The following SYNE1 variants were observed in gnomAD, a reference collection of about 807,000 sequenced individuals.
SYNE1 encodes the protein nesprin-1.
Under a neutral mutation model 1,111.0 loss-of-function variants are expected in SYNE1, and 616 were observed. The ratio of observed to expected loss-of-function variants is 0.55; its 90% CI spans 0.52 to 0.59. SYNE1 has a LOEUF of 0.59. Ranked by LOEUF, SYNE1 falls within the 20% of genes least tolerant of loss-of-function variation. SYNE1 has a pLI of 0.00. For synonymous variants in SYNE1, 3,855 were observed against 3,825.8 expected, an observed-to-expected ratio of 1.01 and a Z score of -0.28; for missense variants, 10,006 against 10,417.0, an observed-to-expected ratio of 0.96 and a Z score of 1.72.
intron 65 of SYNE1, 66 bp downstream of exon 65, chr6:152,359,249 T>G: frequency 2.5e-6 from 4 of 1,607,190 alleles, no homozygotes; most frequent in Non-Finnish European, 3.4e-6. Flanking sequence ...TAAATGAGTC[T>G]TTAAAGGAGC....
At chr6:152,452,307 G>T (rs1343228020) in intron 25 of SYNE1, among the ~76,000 whole-genome samples, 1 of 152,040 alleles carries the variant, frequency 6.6e-6, no homozygotes, top group Non-Finnish European at 1.5e-5. Flanking sequence ...CTAGAGGTGT[G>T]TGTGTGTGTG....
At chr6:152,193,971 C>A (rs2073362045) in intron 127 of SYNE1, among the ~76,000 whole-genome samples, 1 of 150,652 alleles carries the variant, frequency 6.6e-6, no homozygotes, top group Non-Finnish European at 1.5e-5. Context: ...CAAGATCCCG[C>A]CACTGCACTC....
rs771911476 is a variant in SYNE1 at position 152,347,239 on chromosome 6, C to A, written c.11902-4G>T. On this transcript the variant is annotated splice_region_variant and splice_polypyrimidine_tract_variant and intron_variant, in intron 72 of 145. Coordinates refer to ENST00000367255, the MANE Select transcript of SYNE1 (RefSeq NM_182961.4). ...CAGCAATTTCTTCCATCATTGCCTG[C>A]AAAAGTGAAACCAATACAGAGTTTT... The A allele has an allele frequency of 1.2e-6, 2 of 1,614,044 alleles. No homozygotes were observed. Among genetic ancestry groups the A allele is most frequent in the African/African-American group, 2.7e-5 (2 of 74,928 alleles).
intron 14 of SYNE1, among the ~76,000 whole-genome samples, chr6:152,477,265 T>A (rs766973684): frequency 6.6e-6 from 1 of 151,784 alleles, no homozygotes; most frequent in Non-Finnish European, 1.5e-5. Context: ...CTGGTAACAG[T>A]TGAGATGATG....
intron 16 of SYNE1, among the ~76,000 whole-genome samples, chr6:152,468,307 A>G (rs2154275115): frequency 6.6e-6 from 1 of 152,330 alleles, no homozygotes; most frequent in Middle Eastern, 3.4e-3. Context: ...GAATAATAAA[A>G]TGAATATTCA....
chr6:152,172,355 A>C (rs2065426257), intron 130 of SYNE1, among the ~76,000 whole-genome samples: 1 of 152,202 alleles, frequency 6.6e-6, no homozygotes, highest in Non-Finnish European at 1.5e-5. Flanking sequence ...ATCCCCAAAA[A>C]AGCTGCTATT....
intron 30 of SYNE1, 152 bp downstream of exon 30, chr6:152,444,259 A>T: frequency 1.3e-6 from 1 of 785,426 alleles, no homozygotes; most frequent in Non-Finnish European, 2.1e-6. Context: ...AGCAAAACCC[A>T]GAAGCGCCAA....
chr6:152,371,166 C>T (rs1683801315), intron 59 of SYNE1, among the ~76,000 whole-genome samples: 1 of 151,916 alleles, frequency 6.6e-6, no homozygotes. Context: ...TGGCTGTGTC[C>T]CCCCCCAAAT....
intron 128 of SYNE1, among the ~76,000 whole-genome samples, chr6:152,180,814 G>T (rs2067804598): frequency 1.3e-5 from 2 of 152,158 alleles, no homozygotes; most frequent in South Asian, 4.1e-4. Flanking sequence ...AAGCGAAGCG[G>T]CCTGAAATGG....
rs781109139 is a variant in SYNE1, at chr6:152,417,030, A to T, written c.5422-15T>A. The T allele has an allele frequency of 6.2e-7, 1 of 1,613,334 alleles. No homozygotes were observed. Among genetic ancestry groups the T allele is most frequent in the South Asian group, 1.1e-5 (1 of 91,084 alleles). On this transcript the variant is annotated splice_polypyrimidine_tract_variant and intron_variant, in intron 40 of 145. Coordinates refer to ENST00000367255, the MANE Select transcript of SYNE1 (RefSeq NM_182961.4). ...GCTGCGTGGTCCTGGAAGGGAAGAGAGAGTTATTGATTCCTGAGATACACT... is the reference window on the plus strand; with the variant it reads ...GCTGCGTGGTCCTGGAAGGGAAGAGTGAGTTATTGATTCCTGAGATACACT...
In SYNE1 at chr6:152,164,178, C is replaced by G. The variant is rs1333541906; in HGVS notation, c.23775G>C (p.Lys7925Asn). The G allele has an allele frequency of 6.2e-7, 1 of 1,614,068 alleles. No homozygotes were observed. The highest frequency in any genetic ancestry group is 8.5e-7 in the Non-Finnish European group (1 of 1,180,032). ...TAAGTCTTACCTGCTGCTCATTAAG[C>G]TTTCTCTGTATTTCTTCCGAGTTAC... is the stretch of plus-strand genomic sequence containing the variant. Reference protein sequence around the residue: ...DSCNSEEIQRKLNEQQELQRD... With the variant: ...DSCNSEEIQRNLNEQQELQRD... The change falls in exon 131 of 146, where the codon AAG (lysine) becomes AAC (asparagine). Residue 7925 changes from lysine (K) to asparagine (N), a missense_variant. By Grantham distance (94) the Lys-to-Asn change is moderately conservative. Around this residue, in one of 7 missense-constraint regions of SYNE1, gnomAD observed 2,182 missense variants for 2,287.8 expected, o/e 0.95. Coordinates refer to ENST00000367255, the MANE Select transcript of SYNE1 (RefSeq NM_182961.4).
chr6:152,358,475 C>T lies in SYNE1; in HGVS notation c.10506G>A (p.Lys3502=). 1.2e-6 allele frequency: 2 copies of T among 1,614,162 alleles called. No individual in the cohort carries two copies. ...RLHQEYQRDL[K]AFEVWLGQEQ... Reference sequence around the variant, plus strand: ...CTTGCCCCAACCAAACTTCAAATGCCTTTAGGTCTCTCTGATACTCTTGGT... The same window carrying T: ...CTTGCCCCAACCAAACTTCAAATGCTTTTAGGTCTCTCTGATACTCTTGGT... Residue 3502 remains lysine (K), a synonymous_variant, in exon 66 of 146, where the codon AAG becomes AAA. Coordinates refer to ENST00000367255, the MANE Select transcript of SYNE1 (RefSeq NM_182961.4).
Position 152,442,187 on chromosome 6 carries a change from G to T in SYNE1, c.3896C>A (p.Ala1299Glu). Reference protein sequence around the residue: ...KRDVQQQIAQAQQGEGGLPDR... With the variant: ...KRDVQQQIAQEQQGEGGLPDR... ...AGGCAGCCCCCCTTCTCCCTGCTGC[G>T]CCTGCGCGATCTGCTGCTGCACATC... Residue 1299 changes from alanine to glutamate, a missense_variant, in exon 31 of 146, where the codon GCG (alanine) becomes GAG (glutamate). Around this residue, in one of 7 missense-constraint regions of SYNE1, gnomAD observed 1,971 missense variants for 2,084.1 expected, o/e 0.95. Transcript: ENST00000367255. 1 of 1,613,626 alleles carries T rather than the reference G, an allele frequency of 6.2e-7. No homozygotes were observed.
rs756320126 is a variant in SYNE1, at chr6:152,381,308, G to GCGACT, written c.8702_8706dup (p.Leu2903SerfsTer7). 1 of 1,614,148 alleles carries GCGACT rather than the reference G, an allele frequency of 6.2e-7. No individual in the cohort carries two copies. The highest frequency in any genetic ancestry group is 8.5e-7 in the Non-Finnish European group (1 of 1,180,052). ...GTGTTCTGTTTCACTTCGGGAGCCAGCGACTCCACTCTGCTGAGACGGCTT... is the reference window on the plus strand; with the variant it reads ...GTGTTCTGTTTCACTTCGGGAGCCAGCGACTCGACTCCACTCTGCTGAGACGGCTT... On this transcript the variant is annotated frameshift_variant, in exon 56 of 146. Transcript: ENST00000367255. LOFTEE classifies it high-confidence loss of function.
chr6:152,337,383 G>A (rs964330755), intron 75 of SYNE1, among the ~76,000 whole-genome samples: 19 of 151,968 alleles, frequency 1.3e-4, no homozygotes, highest in African/African-American at 4.1e-4. Context: ...TCTGCCTCCC[G>A]GGTTCAAGTG....
Position 152,458,612 on chromosome 6 carries a change from A to C in SYNE1, c.2568+145T>G. 5.0e-6 allele frequency: 4 copies of C among 795,964 alleles called. No individual in the cohort carries two copies. In the East Asian group the frequency reaches 1.1e-4, roughly 21 times the overall value. The allele number at this position is 795,964 out of a possible 1,614,324, so 49.3% of individuals were successfully genotyped here. ...AGTGAATGGATTTTCATCTTTGGAC[A>C]AGACATGTATTTTTGTTTTGAGTTA... On this transcript the variant is annotated intron_variant, in intron 22 of 145. Transcript: ENST00000367255.
In SYNE1 at chr6:152,294,093, C is replaced by G. The variant is rs756503163; in HGVS notation, c.17717G>C (p.Arg5906Thr). 2.5e-6 allele frequency: 4 copies of G among 1,613,824 alleles called. No individual in the cohort carries two copies. The highest frequency in any genetic ancestry group is 3.4e-6 in the Non-Finnish European group (4 of 1,179,996). Residue 5906 changes from arginine (R) to threonine (T), a missense_variant, in exon 94 of 146, where the codon AGG (arginine) becomes ACG (threonine). This residue lies in a region of SYNE1 where 4,955 missense variants were observed against 5,017.2 expected (regional missense o/e 0.99). Coordinates refer to ENST00000367255, the MANE Select transcript of SYNE1 (RefSeq NM_182961.4). ...AATTTTTGCAGCATCTGTCTGCAAC[C>G]TCTCAGCAGACAAGGCTTGGTAATA... is the stretch of plus-strand genomic sequence containing the variant. ...IAYYQALSAE[R>T]LQTDAAKIHP...
At chr6:152,497,121 G>T (rs2099003910) in intron 11 of SYNE1, among the ~76,000 whole-genome samples, 1 of 152,086 alleles carries the variant, frequency 6.6e-6, no homozygotes, top group Admixed American at 6.6e-5. Flanking sequence ...AAGCTTTATT[G>T]CTCGTACAAA....
At chr6:152,447,393 A>T in intron 29 of SYNE1, 65 bp downstream of exon 29, 1 of 1,568,260 alleles carries the variant, frequency 6.4e-7, no homozygotes, top group Admixed American at 1.7e-5. Flanking sequence ...TACAACCAGA[A>T]GAAAAAGAAC....
Sources: allele counts gnomAD v4.1 joint callset (sites outside exome capture counted in the v4.1 genomes callset), GRCh38; gene constraint gnomAD v4.1.1; regional missense constraint gnomAD v4.1.1; transcripts MANE v1.5; gene names NCBI Gene and HGNC (gene_info 2026-07-23, HGNC 2026-07-21).